The following EVI5 variants were observed in gnomAD, a reference collection of about 807,000 sequenced individuals.
The protein encoded by EVI5 is ecotropic viral integration site 5.
Under a neutral mutation model 112.0 loss-of-function variants are expected in EVI5, and 73 were observed. That is an observed-to-expected ratio of 0.65 (90% CI 0.54 to 0.79). EVI5 has a LOEUF of 0.79. EVI5 is among the 30% of genes least tolerant of loss of function. The pLI is 0.00. For synonymous variants in EVI5, 305 were observed against 319.9 expected, an observed-to-expected ratio of 0.95 and a Z score of 0.50; for missense variants, 900 against 968.8, an observed-to-expected ratio of 0.93 and a Z score of 0.94.
chr1:92,538,255 C>T (rs1664214565), intron 19 of EVI5, among the ~76,000 whole-genome samples: 1 of 152,210 alleles, frequency 6.6e-6, no homozygotes, highest in South Asian at 2.1e-4. Context: ...GCTGATGAGG[C>T]TACGAATATG....
At chr1:92,574,911 A>G (rs1462113449) in intron 18 of EVI5, among the ~76,000 whole-genome samples, 1 of 152,206 alleles carries the variant, frequency 6.6e-6, no homozygotes, top group Non-Finnish European at 1.5e-5. Flanking sequence ...GCAGATTTTA[A>G]AAGCTATGTT....
intron 2 of EVI5, among the ~76,000 whole-genome samples, chr1:92,718,610 C>T (rs923919238): frequency 4.6e-5 from 7 of 152,174 alleles, no homozygotes; most frequent in Admixed American, 4.6e-4. Context: ...AAAATTGACA[C>T]CATAACATCA....
chr1:92,677,306 T>A (rs1236400664), intron 9 of EVI5, 88 bp from the exon 10 acceptor site: 1 of 648,904 alleles, frequency 1.5e-6, no homozygotes, highest in East Asian at 3.0e-5. Flanking sequence ...CATATGAACA[T>A]AAAATACAAT....
At chr1:92,671,991 G>A (rs1291311599) in intron 10 of EVI5, among the ~76,000 whole-genome samples, 1 of 151,760 alleles carries the variant, frequency 6.6e-6, no homozygotes, top group African/African-American at 2.4e-5. Flanking sequence ...AATTTGTGGA[G>A]ACAGGGGCCC....
At chr1:92,779,123 A>C (rs1194591268) in intron 1 of EVI5, among the ~76,000 whole-genome samples, 1 of 152,220 alleles carries the variant, frequency 6.6e-6, no homozygotes, top group Non-Finnish European at 1.5e-5. Context: ...GCCCACTGTT[A>C]ATCATGAACA....
At position 92,509,898 on chromosome 1, in the gene EVI5, T is replaced by C. The variant is rs1659090314; in HGVS notation, c.*3758A>G. On this transcript the variant is annotated 3_prime_UTR_variant, in exon 20 of 20. Coordinates refer to ENST00000684568, the MANE Select transcript of EVI5 (RefSeq NM_001350197.2). ...ACTCTAAGTGTTTAACTTAATAACA[T>C]TCAAATATCACAAAATGTCAGTAAT... 6.6e-6 allele frequency: 1 copy of C among 152,162 alleles called. No homozygotes were observed. The highest frequency in any genetic ancestry group is 1.5e-5 in the Non-Finnish European group (1 of 68,044). The allele number at this position is 152,162 out of a possible 1,614,324, so 9.4% of individuals were successfully genotyped here. A position where few individuals can be genotyped will look rare whatever the true frequency, so the allele number is the denominator to read the frequency against.
intron 18 of EVI5, among the ~76,000 whole-genome samples, chr1:92,583,327 TG>T (rs1429750448): frequency 1.3e-5 from 2 of 151,780 alleles, no homozygotes; most frequent in Non-Finnish European, 2.9e-5. Context: ...CTGGCCAACA[TG>T]GTGAAACTCC....
chr1:92,614,936 C>G (rs907075241), intron 16 of EVI5, among the ~76,000 whole-genome samples: 1 of 149,148 alleles, frequency 6.7e-6, no homozygotes, highest in Non-Finnish European at 1.5e-5. Context: ...CTAGAGAACC[C>G]TGACTAATAT....
chr1:92,746,511 A>G (rs1289166657), intron 1 of EVI5, among the ~76,000 whole-genome samples: 1 of 152,138 alleles, frequency 6.6e-6, no homozygotes, highest in East Asian at 1.9e-4. Context: ...GGATCACTTG[A>G]GGTCAGGAGC....
intron 19 of EVI5, among the ~76,000 whole-genome samples, chr1:92,552,046 G>A (rs1333517455): frequency 8.8e-5 from 13 of 148,346 alleles, no homozygotes; most frequent in Admixed American, 2.1e-4. Flanking sequence ...CCCATGTGAT[G>A]TAAAGTACTA....
At chr1:92,734,093 T>G (rs1676935256) in intron 2 of EVI5, among the ~76,000 whole-genome samples, 2 of 152,214 alleles carry the variant, frequency 1.3e-5, no homozygotes, top group African/African-American at 2.4e-5. Flanking sequence ...ACCTACATCA[T>G]GATGTATAAA....
In EVI5 at chr1:92,512,068, T is replaced by C. The variant is rs200615615; in HGVS notation, c.*1588A>G. 13 of 152,710 alleles carry C rather than the reference T, an allele frequency of 8.5e-5. No individual in the cohort carries two copies. The South Asian group carries it at 2.7e-3, about 32-fold the overall frequency. 9.5% of individuals were successfully genotyped at this position (152,710 alleles called of 1,614,324 possible). ...GAGTAGAAAGTACCCAGTCAACATA[T>C]TCATGTCGTCTTTCCATAGTGCAAG... On this transcript the variant is annotated 3_prime_UTR_variant, in exon 20 of 20. Coordinates refer to ENST00000684568, the MANE Select transcript of EVI5 (RefSeq NM_001350197.2).
At chr1:92,775,096 G>T (rs1456550779) in intron 1 of EVI5, among the ~76,000 whole-genome samples, 1 of 152,114 alleles carries the variant, frequency 6.6e-6, no homozygotes, top group African/African-American at 2.4e-5. Flanking sequence ...GTCATGCACC[G>T]CATAAGAACA....
intron 1 of EVI5, chr1:92,756,449 A>G (rs1570790637): frequency 1.9e-6 from 1 of 539,926 alleles, no homozygotes; most frequent in Non-Finnish European, 3.8e-6. Flanking sequence ...TTCGAGGATT[A>G]TACTTCGTCT....
At chr1:92,620,418 A>G (rs1654281446) in intron 16 of EVI5, among the ~76,000 whole-genome samples, 1 of 151,270 alleles carries the variant, frequency 6.6e-6, no homozygotes, top group Admixed American at 6.6e-5. Flanking sequence ...AAATCTATAA[A>G]TCAAAGAAAC....
At chr1:92,776,988 G>C (rs142390108) in intron 1 of EVI5, among the ~76,000 whole-genome samples, 13,147 of 151,988 alleles carry the variant, frequency 0.087, 1,611 homozygotes, top group African/African-American at 0.27. Context: ...ATTTTTAGTA[G>C]AGACGGGGTT....
At chr1:92,567,603 T>C (rs1669694205) in intron 18 of EVI5, among the ~76,000 whole-genome samples, 1 of 152,202 alleles carries the variant, frequency 6.6e-6, no homozygotes. Flanking sequence ...CTAGGAGAAA[T>C]AGGCTATACC....
chr1:92,569,990 C>G (rs918611694), intron 18 of EVI5, among the ~76,000 whole-genome samples: 1 of 151,772 alleles, frequency 6.6e-6, no homozygotes, highest in African/African-American at 2.4e-5. Flanking sequence ...TTCCTTGGCT[C>G]TGGACTTACT....
chr1:92,735,617 T>TTATATGA (rs1677203549), intron 2 of EVI5, among the ~76,000 whole-genome samples: 1 of 142,866 alleles, frequency 7.0e-6, no homozygotes. Flanking sequence ...TTATATATAA[T>TTATATGA]TATATGATAT....
Sources: gnomAD v4.1 joint callset for allele counts (sites outside exome capture counted in the v4.1 genomes callset) on GRCh38, gnomAD v4.1.1 for gene constraint, MANE v1.5 for transcripts, NCBI Gene and HGNC (gene_info 2026-07-23, HGNC 2026-07-21) for gene names.